WDFY3: variants seen among roughly 807,000 people sequenced by gnomAD.
The protein encoded by WDFY3 is WD repeat and FYVE domain-containing protein 3.
WDFY3 carries 66 observed loss-of-function variants against 409.6 expected under a neutral mutation model. The ratio of observed to expected loss-of-function variants is 0.16; its 90% CI spans 0.13 to 0.20. The LOEUF (loss-of-function observed/expected upper bound fraction) is 0.20, where lower values mean the gene tolerates loss of function less well. Among genes scored for constraint, WDFY3 ranks in the 10% least tolerant of loss-of-function variants. WDFY3 has a pLI of 1.00. For missense variants in WDFY3, 3,031 were observed against 4,298.1 expected (o/e 0.71, Z 8.24); for synonymous variants, 1,521 against 1,537.1 (o/e 0.99, Z 0.25).
At chr4:84,751,212 A>G (rs1410688148) in intron 36 of WDFY3, 2 of 478,776 alleles carry the variant, frequency 4.2e-6, no homozygotes, top group Non-Finnish European at 7.6e-6. Context: ...TAAAATATTT[A>G]CTATTTGGCT....
At chr4:84,829,273 G>GTTTCATT in intron 8 of WDFY3, 83 bp from the exon 9 acceptor site, 3 of 1,135,950 alleles carry the variant, frequency 2.6e-6, no homozygotes, top group Non-Finnish European at 3.7e-6. Flanking sequence ...GTTGTTTAAT[G>GTTTCATT]AAACATTAAA....
Position 84,860,441 on chromosome 4 carries a change from G to A in WDFY3, c.151C>T (p.Leu51=), listed in dbSNP as rs1186326747. The A allele has an allele frequency of 1.2e-6, 2 of 1,614,014 alleles. No individual in the cohort carries two copies. Among genetic ancestry groups the A allele is most frequent in the African/African-American group, 2.7e-5 (2 of 75,034 alleles). ...HMTQKEQEEK[L]YMMLPVFNRV... is the part of the protein sequence containing the mutation. ...TTAAACACTGGCAGCATCATATACA[G>A]TTTCTCTTCTTGTTCCTTCTGAGTC... The change falls in exon 4 of 68, where the codon CTG becomes TTG. Residue 51 remains leucine, a synonymous_variant. Transcript: ENST00000295888.
chr4:84,850,626 C>T (rs12512054), intron 4 of WDFY3, among the ~76,000 whole-genome samples: 1 of 151,910 alleles, frequency 6.6e-6, no homozygotes, highest in African/African-American at 2.4e-5. Context: ...CAACATTTTT[C>T]TGAGGAAAGC....
chr4:84,722,847 C>T (rs1276560872), intron 46 of WDFY3, among the ~76,000 whole-genome samples: 1 of 152,170 alleles, frequency 6.6e-6, no homozygotes, highest in Non-Finnish European at 1.5e-5. Context: ...TCTGCTTTGC[C>T]TTGAGAAGAG....
chr4:84,800,469 C>A (rs1259119428), intron 17 of WDFY3, among the ~76,000 whole-genome samples: 1 of 152,094 alleles, frequency 6.6e-6, no homozygotes, highest in Non-Finnish European at 1.5e-5. Flanking sequence ...GAATGATTCA[C>A]AAACTCTGAT....
At chr4:84,679,677 G>A (rs888354348) in intron 64 of WDFY3, among the ~76,000 whole-genome samples, 1 of 152,046 alleles carries the variant, frequency 6.6e-6, no homozygotes, top group Admixed American at 6.5e-5. Context: ...TAGCTTTCAA[G>A]GGACAGCTTA....
At chr4:84,894,310 T>C (rs981705171) in intron 3 of WDFY3, among the ~76,000 whole-genome samples, 3 of 152,220 alleles carry the variant, frequency 2.0e-5, no homozygotes, top group Non-Finnish European at 4.4e-5. Context: ...CATGTACTTA[T>C]GTATAAGTGA....
intron 5 of WDFY3, among the ~76,000 whole-genome samples, chr4:84,846,223 A>G (rs1578790267): frequency 6.6e-6 from 1 of 152,158 alleles, no homozygotes; most frequent in East Asian, 1.9e-4. Flanking sequence ...ATTATGTGAA[A>G]TTACACAATA....
chr4:84,912,017 T>C (rs950153314), intron 2 of WDFY3, among the ~76,000 whole-genome samples: 1 of 152,216 alleles, frequency 6.6e-6, no homozygotes. Context: ...TAAAACACTG[T>C]GCGATGCTAA....
chr4:84,722,363 G>T (rs1024133722), intron 46 of WDFY3, among the ~76,000 whole-genome samples: 4 of 152,018 alleles, frequency 2.6e-5, no homozygotes, highest in African/African-American at 9.7e-5. Flanking sequence ...CTCCAGCCTG[G>T]GTGACACAGC....
At chr4:84,784,891 T>TAC (rs1215135327) in intron 24 of WDFY3, among the ~76,000 whole-genome samples, 96 of 36,900 alleles carry the variant, frequency 2.6e-3, no homozygotes, top group African/African-American at 5.5e-3. Flanking sequence ...TATATATATA[T>TAC]ACACACACAC....
At chr4:84,756,357 G>A (rs888719675) in intron 33 of WDFY3, among the ~76,000 whole-genome samples, 6 of 152,042 alleles carry the variant, frequency 3.9e-5, no homozygotes, top group Non-Finnish European at 8.8e-5. Flanking sequence ...GGCTGAGGCA[G>A]GTGGATCACC....
intron 3 of WDFY3, among the ~76,000 whole-genome samples, chr4:84,861,762 T>C (rs1421862113): frequency 1.3e-5 from 2 of 152,148 alleles, no homozygotes; most frequent in African/African-American, 4.8e-5. Flanking sequence ...ATACACAAAC[T>C]AACCATTGAG....
intron 27 of WDFY3, among the ~76,000 whole-genome samples, chr4:84,777,294 G>A (rs1162693751): frequency 2.0e-5 from 3 of 151,950 alleles, no homozygotes; most frequent in East Asian, 1.9e-4. Flanking sequence ...AGATGAGACC[G>A]TCAGCCTAGG....
At position 84,671,890 on chromosome 4, in the gene WDFY3, A is replaced by C. The variant is rs879208613; in HGVS notation, c.*978T>G. 2.0e-5 allele frequency: 3 copies of C among 152,380 alleles called. No individual in the cohort carries two copies. Among genetic ancestry groups the C allele is most frequent in the Non-Finnish European group, 1.5e-5 (1 of 68,032 alleles). The allele number at this position is 152,380 out of a possible 1,614,324, so 9.4% of individuals were successfully genotyped here. On this transcript the variant is annotated 3_prime_UTR_variant, in exon 68 of 68. Coordinates refer to ENST00000295888, the MANE Select transcript of WDFY3 (RefSeq NM_014991.6). ...TTAGTGTCACCAAAGACACATACTT[A>C]TTATGTTCTATGCAAGATAAGCTAA...
chr4:84,878,639 C>T (rs1224980898), intron 3 of WDFY3, among the ~76,000 whole-genome samples: 3 of 152,140 alleles, frequency 2.0e-5, no homozygotes, highest in Non-Finnish European at 4.4e-5. Flanking sequence ...ATGATGTTGA[C>T]ATGGTTCGAA....
intron 2 of WDFY3, among the ~76,000 whole-genome samples, chr4:84,928,868 C>A (rs1474293812): frequency 6.6e-6 from 1 of 152,150 alleles, no homozygotes; most frequent in Non-Finnish European, 1.5e-5. Context: ...TAAGTCTACA[C>A]AGGACCAAAA....
intron 4 of WDFY3, 77 bp downstream of exon 4, chr4:84,860,335 A>T: frequency 1.4e-6 from 2 of 1,471,302 alleles, no homozygotes; most frequent in Admixed American, 2.2e-5. Context: ...TTTTCTACCT[A>T]TGGCTTACCA....
At chr4:84,850,319 G>A (rs1432898794) in intron 4 of WDFY3, among the ~76,000 whole-genome samples, 6 of 128,506 alleles carry the variant, frequency 4.7e-5, no homozygotes, top group African/African-American at 1.2e-4. Flanking sequence ...AAATTATAAC[G>A]TTTCTTTTTT....
Sources: gnomAD v4.1 joint callset for allele counts (sites outside exome capture counted in the v4.1 genomes callset) on GRCh38, gnomAD v4.1.1 for gene constraint, MANE v1.5 for transcripts, NCBI Gene and HGNC (gene_info 2026-07-23, HGNC 2026-07-21) for gene names.